The following PEX5L variants were observed in gnomAD, a reference collection of about 807,000 sequenced individuals.
The protein encoded by PEX5L is PEX5-related protein.
PEX5L carries 30 observed loss-of-function variants against 84.0 expected under a neutral mutation model. The ratio of observed to expected loss-of-function variants is 0.36; its 90% CI spans 0.27 to 0.48. The LOEUF is 0.48. PEX5L is among the 20% of genes least tolerant of loss of function. The pLI is 0.99. For synonymous variants in PEX5L, 270 were observed against 283.1 expected (o/e 0.95, Z 0.46); for missense variants, 533 against 754.6 (o/e 0.71, Z 3.44).
At position 179,875,523 on chromosome 3, in the gene PEX5L, G is replaced by A. The variant is rs971546199; in HGVS notation, c.506-46C>T. The A allele has an allele frequency of 3.8e-6, 6 of 1,564,198 alleles. No individual in the cohort carries two copies. In the African/African-American group the frequency reaches 5.4e-5, roughly 14 times the overall value. The stretch of plus-strand genomic sequence containing the variant: ...AGGTGAGGCAGGTGGCGGCAGGGCG[G>A]GGTAGGGGGAGCGGTGGCGGGGAGT... On this transcript the variant is annotated intron_variant, in intron 5 of 14. Coordinates refer to ENST00000467460, the MANE Select transcript of PEX5L (RefSeq NM_016559.3).
intron 2 of PEX5L, among the ~76,000 whole-genome samples, chr3:179,912,830 C>T (rs115415305): frequency 6.6e-6 from 1 of 152,012 alleles, no homozygotes; most frequent in Non-Finnish European, 1.5e-5. Flanking sequence ...CAAACCAGCT[C>T]GTTTAAAGGA....
At chr3:179,923,301 A>AAC (rs1553900533) in intron 2 of PEX5L, among the ~76,000 whole-genome samples, 4 of 143,276 alleles carry the variant, frequency 2.8e-5, no homozygotes, top group Non-Finnish European at 3.0e-5. Flanking sequence ...AAAAAAAAAA[A>AAC]AAAAAAAAAA....
intron 1 of PEX5L, among the ~76,000 whole-genome samples, chr3:179,994,438 C>A (rs1293614494): frequency 6.6e-6 from 1 of 152,020 alleles, no homozygotes; most frequent in Non-Finnish European, 1.5e-5. Context: ...TCTTTGTTAC[C>A]CCTCCATTTT....
intron 2 of PEX5L, among the ~76,000 whole-genome samples, chr3:179,921,376 G>A (rs762775960): frequency 2.0e-5 from 3 of 152,152 alleles, no homozygotes; most frequent in African/African-American, 7.2e-5. Flanking sequence ...TAAGGAACTC[G>A]CAGAATGAAG....
At chr3:179,953,117 A>G (rs879849573) in intron 2 of PEX5L, among the ~76,000 whole-genome samples, 1 of 71,872 alleles carries the variant, frequency 1.4e-5, no homozygotes, top group Non-Finnish European at 2.6e-5. Context: ...TGGATTAAAG[A>G]CTTAAACATA....
At chr3:179,847,744 T>C (rs1456862126) in intron 8 of PEX5L, among the ~76,000 whole-genome samples, 2 of 152,176 alleles carry the variant, frequency 1.3e-5, no homozygotes, top group South Asian at 2.1e-4. Flanking sequence ...ACAGGTTCTC[T>C]CTCTGTTGCC....
At chr3:179,853,764 C>CTCTTCT (rs755770618) in intron 8 of PEX5L, among the ~76,000 whole-genome samples, 1 of 151,230 alleles carries the variant, frequency 6.6e-6, no homozygotes, top group Non-Finnish European at 1.5e-5. Context: ...CTTCTTCCTC[C>CTCTTCT]TCTTCTTCTT....
At chr3:179,883,804 A>T (rs2108810023) in intron 4 of PEX5L, among the ~76,000 whole-genome samples, 1 of 152,296 alleles carries the variant, frequency 6.6e-6, no homozygotes, top group Non-Finnish European at 1.5e-5. Context: ...TGTCTCTCTG[A>T]ACCTTAACTC....
At chr3:179,927,462 T>C (rs1033311858) in intron 2 of PEX5L, among the ~76,000 whole-genome samples, 3 of 152,172 alleles carry the variant, frequency 2.0e-5, no homozygotes, top group Non-Finnish European at 2.9e-5. Flanking sequence ...GGCTAGCCTG[T>C]GTCACTCAGA....
intron 3 of PEX5L, among the ~76,000 whole-genome samples, chr3:179,897,026 G>A (rs1759561285): frequency 6.6e-6 from 1 of 151,996 alleles, no homozygotes; most frequent in African/African-American, 2.4e-5. Flanking sequence ...ATCTTTAATA[G>A]CTTTAAAAAT....
At chr3:179,850,471 T>C (rs572516712) in intron 8 of PEX5L, among the ~76,000 whole-genome samples, 98 of 152,302 alleles carry the variant, frequency 6.4e-4, no homozygotes, top group African/African-American at 1.7e-3. Flanking sequence ...TCAGCATTCA[T>C]TGCAAGTGAT....
intron 2 of PEX5L, among the ~76,000 whole-genome samples, chr3:179,927,992 ACT>A (rs954203960): frequency 5.9e-5 from 9 of 152,120 alleles, no homozygotes; most frequent in African/African-American, 1.7e-4. Flanking sequence ...TTTCCAAGTC[ACT>A]CTGTATGTTA....
chr3:179,893,309 A>G (rs1758164061), intron 3 of PEX5L, among the ~76,000 whole-genome samples: 1 of 152,160 alleles, frequency 6.6e-6, no homozygotes, highest in African/African-American at 2.4e-5. Context: ...CTTTAGCTCC[A>G]CTTGAATTTC....
chr3:180,035,639 C>T (rs1791837695), intron 1 of PEX5L, among the ~76,000 whole-genome samples: 1 of 152,038 alleles, frequency 6.6e-6, no homozygotes, highest in African/African-American at 2.4e-5. Context: ...CTCTAAAAGA[C>T]ACAGAAGCAA....
At chr3:179,824,486 A>G (rs1217583533) in intron 8 of PEX5L, among the ~76,000 whole-genome samples, 2 of 152,150 alleles carry the variant, frequency 1.3e-5, no homozygotes, top group East Asian at 3.9e-4. Flanking sequence ...CAGGTGGATC[A>G]CCTGAGGTCG....
chr3:179,848,205 T>C (rs546802468), intron 8 of PEX5L, among the ~76,000 whole-genome samples: 1 of 151,944 alleles, frequency 6.6e-6, no homozygotes, highest in Non-Finnish European at 1.5e-5. Context: ...CTAAGAAAAA[T>C]ATAGGATTTT....
At chr3:179,931,618 ATC>A (rs1773143601) in intron 2 of PEX5L, among the ~76,000 whole-genome samples, 1 of 152,182 alleles carries the variant, frequency 6.6e-6, no homozygotes, top group Admixed American at 6.5e-5. Flanking sequence ...AATTATTCTT[ATC>A]TGTTTCTTTT....
At chr3:179,988,120 C>T (rs1787023558) in intron 1 of PEX5L, among the ~76,000 whole-genome samples, 1 of 152,094 alleles carries the variant, frequency 6.6e-6, no homozygotes. Flanking sequence ...AAAAAGAGGG[C>T]TGGGCATGGT....
rs573058199 is a variant in PEX5L, at chr3:179,854,700, A to G, written c.822+4362T>C. Among the ~76,000 whole-genome samples, 94 of 152,226 alleles carry G rather than the reference A, an allele frequency of 6.2e-4. 1 individual carries two copies. The highest frequency in any genetic ancestry group is 1.1e-3 in the Non-Finnish European group (75 of 68,048). On this transcript the variant is annotated intron_variant, in intron 8 of 14. Transcript: ENST00000467460. Reference sequence around the variant, plus strand: ...CAGAGTGATTAACATTAATTAATGAATGAATTTCATTCATCCATCCATTCA... The same window carrying G: ...CAGAGTGATTAACATTAATTAATGAGTGAATTTCATTCATCCATCCATTCA...
Sources: allele counts gnomAD v4.1 joint callset (sites outside exome capture counted in the v4.1 genomes callset), GRCh38; gene constraint gnomAD v4.1.1; transcripts MANE v1.5; gene names NCBI Gene and HGNC (gene_info 2026-07-23, HGNC 2026-07-21).